Variants in ATAD2B observed in about 807,000 individuals in gnomAD.
ATAD2B encodes ATPase family AAA domain containing 2B, also known as ATPase family AAA domain-containing protein 2B.
ATAD2B carries 40 observed loss-of-function variants against 167.6 expected under a neutral mutation model. The ratio of observed to expected loss-of-function variants is 0.24; its 90% CI spans 0.19 to 0.31. The LOEUF (loss-of-function observed/expected upper bound fraction) is 0.31, where lower values mean the gene tolerates loss of function less well. Among genes scored for constraint, ATAD2B ranks in the 10% least tolerant of loss-of-function variants. The pLI, the probability that ATAD2B is intolerant of heterozygous loss-of-function variation, is 1.00. For synonymous variants in ATAD2B, 579 were observed against 596.5 expected (o/e 0.97, Z 0.43); for missense variants, 1,242 against 1,757.2 (o/e 0.71, Z 5.24).
intron 22 of ATAD2B, among the ~76,000 whole-genome samples, chr2:23,768,852 A>G (rs1677856194): frequency 6.6e-6 from 1 of 152,212 alleles, no homozygotes; most frequent in Non-Finnish European, 1.5e-5. Flanking sequence ...GTTATTTGTT[A>G]GTGCTGAATA....
intron 25 of ATAD2B, among the ~76,000 whole-genome samples, chr2:23,756,640 T>C (rs1167831012): frequency 6.6e-6 from 1 of 152,152 alleles, no homozygotes; most frequent in Non-Finnish European, 1.5e-5. Flanking sequence ...AAATGAATCA[T>C]GTAGCCATAA....
chr2:23,696,485 G>A, the ATAD2B span: 75 of 1,541,086 alleles, frequency 4.9e-5, no homozygotes, highest in Middle Eastern at 6.0e-4. The surrounding 1 kb of genome is among the most constrained non-coding windows in gnomAD (Gnocchi z 5.5). Context: ...GGGACTTGGC[G>A]TGGCAGGCAA....
intron 19 of ATAD2B, 34 bp downstream of exon 19, chr2:23,798,101 TATA>T (rs1682894188): frequency 7.8e-7 from 1 of 1,281,834 alleles, no homozygotes; most frequent in Admixed American, 2.8e-5. Flanking sequence ...TTTAGAACAA[TATA>T]ATAAGGAAAG....
chr2:23,729,170 G>C, the ATAD2B span, among the ~76,000 whole-genome samples: 1 of 152,184 alleles, frequency 6.6e-6, no homozygotes, highest in Non-Finnish European at 1.5e-5. Flanking sequence ...AATTCAACAT[G>C]AGATTTGGGT....
In ATAD2B at chr2:23,926,851, A is replaced by C; in HGVS notation, c.-81T>G. ...GCCCGCCGGCCGGTCAGTCAGGGCC[A>C]GCGGAGCCGAGCCGGGCAATGAGAG... On this transcript the variant is annotated 5_prime_UTR_variant, in exon 1 of 28. Transcript: ENST00000238789. 3 of 1,427,242 alleles carry C rather than the reference A, an allele frequency of 2.1e-6. No individual in the cohort carries two copies. The highest frequency in any genetic ancestry group is 2.8e-6 in the Non-Finnish European group (3 of 1,087,718). 88.4% of individuals were successfully genotyped at this position (1,427,242 alleles called of 1,614,324 possible).
chr2:23,699,967 A>C, the ATAD2B span, among the ~76,000 whole-genome samples: 1 of 152,228 alleles, frequency 6.6e-6, no homozygotes, highest in African/African-American at 2.4e-5. Flanking sequence ...GCCATCAGTC[A>C]AGAACTTGCT....
intron 12 of ATAD2B, among the ~76,000 whole-genome samples, chr2:23,859,700 C>A (rs1694026737): frequency 6.6e-6 from 1 of 152,094 alleles, no homozygotes; most frequent in South Asian, 2.1e-4. Flanking sequence ...GTAATCCCAG[C>A]ACTTTGGGAG....
rs555698082 is a variant in ATAD2B, at chr2:23,772,856, C to T, written c.3134-7228G>A. Reference sequence around the variant, plus strand: ...AACAGTCCTCTCTGCCTCAGTGCCCCGAGCAGCTATTAATAGGACCACAAG... The same window carrying T: ...AACAGTCCTCTCTGCCTCAGTGCCCTGAGCAGCTATTAATAGGACCACAAG... On this transcript the variant is annotated intron_variant, in intron 22 of 27. Coordinates refer to ENST00000238789, the MANE Select transcript of ATAD2B (RefSeq NM_017552.4). Among the ~76,000 whole-genome samples the T allele has an allele frequency of 2.6e-5, 4 of 152,178 alleles. No homozygotes were observed. The East Asian group carries it at 5.8e-4, about 22-fold the overall frequency.
the ATAD2B span, among the ~76,000 whole-genome samples, chr2:23,741,001 T>C: frequency 5.9e-5 from 9 of 152,138 alleles, no homozygotes; most frequent in East Asian, 1.7e-3. Context: ...ACAAGGGATG[T>C]GAAGGACCTC....
chr2:23,713,790 A>G, the ATAD2B span, among the ~76,000 whole-genome samples: 8 of 152,172 alleles, frequency 5.3e-5, no homozygotes, highest in African/African-American at 1.7e-4. Context: ...ACAGATACAC[A>G]CAATGGATAT....
chr2:23,737,993 T>C, the ATAD2B span, among the ~76,000 whole-genome samples: 1 of 151,956 alleles, frequency 6.6e-6, no homozygotes, highest in Admixed American at 6.6e-5. Flanking sequence ...AAGAGAAGTT[T>C]AGAGAAAAAA....
At chr2:23,837,721 G>C (rs1572977769) in intron 13 of ATAD2B, among the ~76,000 whole-genome samples, 1 of 152,344 alleles carries the variant, frequency 6.6e-6, no homozygotes, top group South Asian at 2.1e-4. Context: ...GTTTTTAATA[G>C]ATAGCAATCT....
chr2:23,801,288 A>C (rs1176125404), intron 18 of ATAD2B, among the ~76,000 whole-genome samples: 1 of 152,156 alleles, frequency 6.6e-6, no homozygotes, highest in East Asian at 1.9e-4. Flanking sequence ...ACAGCTCTTC[A>C]GCAGTTTGCT....
At chr2:23,732,538 C>T in the ATAD2B span, among the ~76,000 whole-genome samples, 9 of 152,166 alleles carry the variant, frequency 5.9e-5, no homozygotes, top group East Asian at 1.7e-3. Context: ...TCATGATTAA[C>T]CTATACATTT....
intron 13 of ATAD2B, chr2:23,856,375 C>G (rs1385081875): frequency 6.4e-6 from 2 of 311,726 alleles, no homozygotes; most frequent in Non-Finnish European, 1.3e-5. Flanking sequence ...AATGTTGGAA[C>G]ATTTCAGATT....
intron 20 of ATAD2B, chr2:23,788,237 C>T: frequency 5.6e-6 from 2 of 358,286 alleles, no homozygotes; most frequent in Middle Eastern, 7.9e-4. Context: ...AGACTTTTTT[C>T]TATGACTTTT....
intron 16 of ATAD2B, among the ~76,000 whole-genome samples, chr2:23,822,917 CAAA>C (rs33911389): frequency 1.5e-5 from 1 of 66,314 alleles, no homozygotes; most frequent in Admixed American, 2.2e-4. Flanking sequence ...AACTCCATCT[CAAA>C]AAAAAAAAAA....
chr2:23,872,145 G>A (rs552986993), intron 8 of ATAD2B: 1 of 270,706 alleles, frequency 3.7e-6, no homozygotes, highest in African/African-American at 2.2e-5. Context: ...CAAACTGCTG[G>A]GATTACAGGC....
Position 23,926,802 on chromosome 2 carries a change from G to A in ATAD2B, c.-32C>T, listed in dbSNP as rs1356812446. The A allele has an allele frequency of 2.0e-6, 3 of 1,482,996 alleles. No homozygotes were observed. The highest frequency in any genetic ancestry group is 2.7e-6 in the Non-Finnish European group (3 of 1,115,402). The allele number at this position is 1,482,996 out of a possible 1,614,324, so 91.9% of individuals were successfully genotyped here. A position where few individuals can be genotyped will look rare whatever the true frequency, so the allele number is the denominator to read the frequency against. ...GCCAGGGGGACGGAGTCCACGCCGC[G>A]CCCGGGAGAGCCGAGCAAGGCCGGC... is the stretch of plus-strand genomic sequence containing the variant. On this transcript the variant is annotated 5_prime_UTR_variant, in exon 1 of 28. Transcript: ENST00000238789.
Sources: gnomAD v4.1 joint callset for allele counts (sites outside exome capture counted in the v4.1 genomes callset) on GRCh38, gnomAD v4.1.1 for gene constraint, Gnocchi (gnomAD v3.1) non-coding constraint, MANE v1.5 for transcripts, NCBI Gene and HGNC (gene_info 2026-07-23, HGNC 2026-07-21) for gene names.